The following TPM4 variants were observed in gnomAD, a reference collection of about 807,000 sequenced individuals.
TPM4 encodes the protein tropomyosin alpha-4 chain.
In TPM4, 17 loss-of-function variants were observed where a neutral mutation model predicts 35.8. The ratio of observed to expected loss-of-function variants is 0.47; its 90% CI spans 0.32 to 0.71. The LOEUF is 0.71. Ranked by LOEUF, TPM4 falls within the 30% of genes least tolerant of loss-of-function variation. TPM4 has a pLI of 0.03. For missense variants in TPM4, 240 were observed against 320.9 expected, an observed-to-expected ratio of 0.75 and a Z score of 1.93; for synonymous variants, 120 against 122.9, an observed-to-expected ratio of 0.98 and a Z score of 0.15.
At chr19:16,077,052 G>A (rs941747856) in intron 1 of TPM4, 4 of 208,426 alleles carry the variant, frequency 1.9e-5, no homozygotes, top group Admixed American at 6.1e-5. Flanking sequence ...CTGGCGCCGG[G>A]GTCCCGGGCC....
intron 2 of TPM4, 48 bp from the exon 3 acceptor site, chr19:16,086,375 T>C: frequency 6.8e-7 from 1 of 1,480,982 alleles, no homozygotes; most frequent in Non-Finnish European, 9.4e-7. Flanking sequence ...GAGAGGTGGG[T>C]GGAGGGGTGT....
In TPM4 at chr19:16,095,746, A is replaced by AT. The variant is rs36086488; in HGVS notation, c.664+2002dup. On this transcript the variant is annotated intron_variant, in intron 7 of 7. Coordinates refer to ENST00000643579, the MANE Select transcript of TPM4 (RefSeq NM_003290.3). Reference sequence around the variant, plus strand: ...AGCTAACGGCATCTGCATGCCAATAATTTTTTTTTGTTTTTTTGTTTTGAG... The same window carrying AT: ...AGCTAACGGCATCTGCATGCCAATAATTTTTTTTTTGTTTTTTTGTTTTGAG... The AT allele has an allele frequency of 3.8e-3, 1,177 of 307,222 alleles. 42 individuals are homozygous for AT. In the East Asian group the frequency reaches 0.11, roughly 28 times the overall value. 19.0% of individuals were successfully genotyped at this position (307,222 alleles called of 1,614,324 possible). A position where few individuals can be genotyped will look rare whatever the true frequency, so the allele number is the denominator to read the frequency against.
intron 1 of TPM4, chr19:16,077,915 C>G (rs1040718226): frequency 3.9e-5 from 13 of 333,816 alleles, no homozygotes; most frequent in Non-Finnish European, 7.0e-5. Flanking sequence ...GTGCCCGCCA[C>G]CACGCCCAGC....
At chr19:16,084,246 T>G (rs892282214) in intron 2 of TPM4, among the ~76,000 whole-genome samples, 1 of 152,216 alleles carries the variant, frequency 6.6e-6, no homozygotes, top group African/African-American at 2.4e-5. Flanking sequence ...CTGTGACCAC[T>G]AACCAGAGAT....
intron 2 of TPM4, among the ~76,000 whole-genome samples, chr19:16,083,998 C>T: frequency 6.6e-6 from 1 of 152,108 alleles, no homozygotes; most frequent in Non-Finnish European, 1.5e-5. Flanking sequence ...GTGATCTCAG[C>T]TCACTACAAG....
chr19:16,094,411 T>G lies in TPM4; in HGVS notation c.664+658T>G, dbSNP rs185329744. Among the ~76,000 whole-genome samples, 9 of 151,904 alleles carry G rather than the reference T, an allele frequency of 5.9e-5. No individual in the cohort carries two copies. In the East Asian group the frequency reaches 1.8e-3, roughly 30 times the overall value. ...TTAGCCAGGCGTGGTGGTGCACGCC[T>G]GTAATCCTAGCTACTGGGGAGGCTG... On this transcript the variant is annotated intron_variant, in intron 7 of 7. Transcript: ENST00000643579.
At chr19:16,076,782 C>G in intron 1 of TPM4, 85 bp downstream of exon 1, 1 of 1,281,844 alleles carries the variant, frequency 7.8e-7, no homozygotes, top group Non-Finnish European at 9.9e-7. Context: ...CGCTGCCCGC[C>G]CGCGCGCAGT....
chr19:16,097,609 A>G (rs976476204), intron 7 of TPM4, among the ~76,000 whole-genome samples: 3 of 151,998 alleles, frequency 2.0e-5, no homozygotes, highest in African/African-American at 2.4e-5. Context: ...AAACATACCA[A>G]TTTGTCCCAA....
chr19:16,089,166 C>T (rs181779158), intron 5 of TPM4, 46 bp downstream of exon 5: 1 of 1,610,252 alleles, frequency 6.2e-7, no homozygotes, highest in Admixed American at 1.7e-5. Flanking sequence ...GGACTTTGTT[C>T]TTTTCTTCTC....
At position 16,070,389 on chromosome 19, in the gene TPM4, C is replaced by T. The variant is rs781681118; in HGVS notation, c.114+2651C>T. On this transcript the variant is annotated intron_variant, in intron 2 of 2. Coordinates refer to the TPM4 transcript ENST00000589897. The surrounding 1 kb of genome is among the most constrained non-coding windows in gnomAD (Gnocchi z 7.4). ...TTCCCCACAATGTTTATCCACACCC[C>T]GATGTCAACTGCCAAGCCCTGGGGA... Among the ~76,000 whole-genome samples, 4 of 152,146 alleles carry T rather than the reference C, an allele frequency of 2.6e-5. No homozygotes were observed. The highest frequency in any genetic ancestry group is 1.9e-4 in the East Asian group (1 of 5,184).
chr19:16,072,601 G>A (rs62116850), upstream of TPM4, among the ~76,000 whole-genome samples: 19,837 of 152,230 alleles, frequency 0.13, 1,427 homozygotes, highest in Admixed American at 0.25. Flanking sequence ...CTGTAGTATG[G>A]GGCTTCCCTG....
At chr19:16,068,804 CAT>C (rs200166335) in intron 2 of TPM4, among the ~76,000 whole-genome samples, 4,181 of 152,136 alleles carry the variant, frequency 0.027, 198 homozygotes, top group African/African-American at 0.095. Context: ...TGTGTGTGCA[CAT>C]GTGTTGTATG....
intron 7 of TPM4, chr19:16,099,593 A>T (rs545559284): frequency 6.6e-6 from 1 of 152,050 alleles, no homozygotes; most frequent in South Asian, 2.1e-4. Flanking sequence ...AAAAATAAAT[A>T]AATAAGAAAG....
At chr19:16,079,267 C>G (rs2090452146) in intron 1 of TPM4, among the ~76,000 whole-genome samples, 1 of 152,122 alleles carries the variant, frequency 6.6e-6, no homozygotes, top group African/African-American at 2.4e-5. Flanking sequence ...AAATCAATTC[C>G]TCGACTGCTA....
upstream of TPM4, among the ~76,000 whole-genome samples, chr19:16,071,684 G>T (rs2090357952): frequency 6.6e-6 from 1 of 152,236 alleles, no homozygotes; most frequent in South Asian, 2.1e-4. Flanking sequence ...GGCACTTAGA[G>T]CGCCTGACGC....
intron 3 of TPM4, among the ~76,000 whole-genome samples, chr19:16,087,048 C>A (rs1038940607): frequency 6.6e-6 from 1 of 152,118 alleles, no homozygotes; most frequent in Non-Finnish European, 1.5e-5. Context: ...TCGACCGAGG[C>A]GGGAGGATCA....
At chr19:16,089,531 C>T (rs145469981) in intron 5 of TPM4, among the ~76,000 whole-genome samples, 3 of 152,318 alleles carry the variant, frequency 2.0e-5, no homozygotes, top group Non-Finnish European at 2.9e-5. Flanking sequence ...GCAGTTGCTA[C>T]GTGGCAGCTA....
intron 4 of TPM4, chr19:16,088,325 G>C: frequency 7.3e-7 from 1 of 1,364,248 alleles, no homozygotes; most frequent in Non-Finnish European, 9.5e-7. Flanking sequence ...GCAAAGATAT[G>C]AGGAAATAGG....
At chr19:16,091,858 C>T (rs989851793) in intron 5 of TPM4, among the ~76,000 whole-genome samples, 1 of 152,104 alleles carries the variant, frequency 6.6e-6, no homozygotes. Flanking sequence ...ATTACAGATA[C>T]CAGGCTGTGA....
Sources: allele counts gnomAD v4.1 joint callset (sites outside exome capture counted in the v4.1 genomes callset), GRCh38; gene constraint gnomAD v4.1.1; non-coding constraint Gnocchi (gnomAD v3.1); transcripts MANE v1.5; gene names NCBI Gene and HGNC (gene_info 2026-07-23, HGNC 2026-07-21).